The following FAT3 variants were observed in gnomAD, a reference collection of about 807,000 sequenced individuals.
FAT3 encodes the protein protocadherin Fat 3.
FAT3 carries 95 observed loss-of-function variants against 310.2 expected under a neutral mutation model. The observed-to-expected ratio is 0.31, with a 90% CI of 0.26 to 0.36. The LOEUF (loss-of-function observed/expected upper bound fraction) is 0.36, where lower values mean the gene tolerates loss of function less well. FAT3 is among the 10% of genes least tolerant of loss of function. The pLI, the probability that FAT3 is intolerant of heterozygous loss-of-function variation, is 1.00. For synonymous variants in FAT3, 2,314 were observed against 2,192.9 expected (o/e 1.06, Z -1.54); for missense variants, 5,408 against 5,715.6 (o/e 0.95, Z 1.74).
At chr11:92,807,670 T>C (rs1371075269) in intron 12 of FAT3, among the ~76,000 whole-genome samples, 1 of 152,226 alleles carries the variant, frequency 6.6e-6, no homozygotes, top group Non-Finnish European at 1.5e-5. Flanking sequence ...CTGATTCTTA[T>C]TAACACAGTT....
chr11:92,890,203 A>G (rs952713590), intron 27 of FAT3, among the ~76,000 whole-genome samples: 2 of 152,072 alleles, frequency 1.3e-5, no homozygotes, highest in Admixed American at 1.3e-4. Context: ...GGGAGTGGGG[A>G]CAGTACTCAG....
intron 2 of FAT3, among the ~76,000 whole-genome samples, chr11:92,513,919 A>C (rs1953390903): frequency 6.6e-6 from 1 of 152,172 alleles, no homozygotes; most frequent in Non-Finnish European, 1.5e-5. Flanking sequence ...TTTGGGTGTC[A>C]TTCTTTTGGA....
intron 22 of FAT3, among the ~76,000 whole-genome samples, chr11:92,875,951 A>G (rs927636396): frequency 6.6e-6 from 1 of 152,208 alleles, no homozygotes; most frequent in African/African-American, 2.4e-5. Flanking sequence ...CTTCTCTGCC[A>G]TCAGATCAAA....
At position 92,327,472 on chromosome 11, in the gene FAT3, A is replaced by G. The variant is rs1947795708; in HGVS notation, c.-17-24624A>G. Among the ~76,000 whole-genome samples the G allele has an allele frequency of 2.0e-5, 3 of 152,228 alleles. No individual in the cohort carries two copies. In the South Asian group the frequency reaches 6.2e-4, roughly 32 times the overall value. ...GATATAGTATATGGCAGCCTCTAAA[A>G]TATTTTAAAAACGCTTACTAGTCTG... is the stretch of plus-strand genomic sequence containing the variant. On this transcript the variant is annotated intron_variant, in intron 1 of 27. Transcript: ENST00000525166.
chr11:92,259,689 A>G (rs185629109), intron 1 of FAT3, among the ~76,000 whole-genome samples: 84 of 152,280 alleles, frequency 5.5e-4, no homozygotes, highest in African/African-American at 1.9e-3. Flanking sequence ...CTCCACATCT[A>G]ACAACTTGTA....
intron 26 of FAT3, among the ~76,000 whole-genome samples, chr11:92,889,548 C>T (rs765759522): frequency 1.3e-5 from 2 of 152,112 alleles, no homozygotes; most frequent in Admixed American, 6.5e-5. Flanking sequence ...GTTCATTGAG[C>T]ACCTATTATG....
intron 13 of FAT3, among the ~76,000 whole-genome samples, chr11:92,815,283 G>A (rs1947793156): frequency 6.6e-6 from 1 of 152,056 alleles, no homozygotes; most frequent in Non-Finnish European, 1.5e-5. Flanking sequence ...TTAAAAATAA[G>A]GAGCTGGTGG....
In FAT3 at chr11:92,354,332, A is replaced by G. The variant is rs1254300267; in HGVS notation, c.2220A>G (p.Pro740=). 1.2e-6 allele frequency: 2 copies of G among 1,613,884 alleles called. No individual in the cohort carries two copies. Among genetic ancestry groups the G allele is most frequent in the Non-Finnish European group, 8.5e-7 (1 of 1,179,858 alleles). ...PSDVAVKEDL[P]VGANILKIKA... ...ATGTGGCTGTAAAGGAGGATCTGCC[A>G]GTTGGTGCTAACATTCTGAAGATTA... The change falls in exon 2 of 28, where the codon CCA becomes CCG. Residue 740 remains proline, a synonymous_variant. Coordinates refer to ENST00000525166, the MANE Select transcript of FAT3 (RefSeq NM_001367949.2).
chr11:92,782,145 C>CAAT (rs376897409), intron 7 of FAT3, among the ~76,000 whole-genome samples: 12 of 151,680 alleles, frequency 7.9e-5, no homozygotes, highest in South Asian at 2.1e-4. Flanking sequence ...CTTATTTCTG[C>CAAT]AATAATAATA....
At chr11:92,230,419 G>A (rs1464210867) in intron 1 of FAT3, among the ~76,000 whole-genome samples, 3 of 151,646 alleles carry the variant, frequency 2.0e-5, no homozygotes, top group East Asian at 1.9e-4. Flanking sequence ...TCAGTCTCCC[G>A]AGTAACTGGG....
At chr11:92,309,083 T>C (rs943145208) in intron 1 of FAT3, among the ~76,000 whole-genome samples, 1 of 152,146 alleles carries the variant, frequency 6.6e-6, no homozygotes, top group Non-Finnish European at 1.5e-5. Flanking sequence ...GATTGCTGAT[T>C]ACTGGTGATT....
rs1424851518 is a variant in FAT3 at position 92,880,899 on chromosome 11, A to T, written c.12281+15A>T. 1.9e-6 allele frequency: 3 copies of T among 1,611,816 alleles called. No individual in the cohort carries two copies. The highest frequency in any genetic ancestry group is 2.2e-5 in the East Asian group (1 of 44,872). On this transcript the variant is annotated intron_variant, in intron 23 of 27. Transcript: ENST00000525166. ...ACTGGAGTCACGTAAGTGAGATTAC[A>T]TAAGTGTCTTTCTCTACACTGTTCT...
chr11:92,502,184 A>G (rs1445922024), intron 2 of FAT3, among the ~76,000 whole-genome samples: 1 of 152,060 alleles, frequency 6.6e-6, no homozygotes, highest in Non-Finnish European at 1.5e-5. Flanking sequence ...TAAATCTTTC[A>G]CCATAGAAAT....
chr11:92,473,992 A>G (rs1951978800), intron 2 of FAT3, among the ~76,000 whole-genome samples: 1 of 152,168 alleles, frequency 6.6e-6, no homozygotes, highest in Non-Finnish European at 1.5e-5. Flanking sequence ...GAGAATTACA[A>G]ACACCACATA....
chr11:92,608,859 C>T (rs1295801568), intron 3 of FAT3, among the ~76,000 whole-genome samples: 1 of 152,064 alleles, frequency 6.6e-6, no homozygotes, highest in East Asian at 1.9e-4. Context: ...ACATTGAGAA[C>T]CTCCCTTTGC....
intron 1 of FAT3, among the ~76,000 whole-genome samples, chr11:92,344,820 C>T (rs567004493): frequency 6.6e-6 from 1 of 152,226 alleles, no homozygotes; most frequent in South Asian, 2.1e-4. Flanking sequence ...GGTTTGGTTT[C>T]AGGCATTCAC....
chr11:92,655,415 T>C (rs962307883), intron 3 of FAT3, among the ~76,000 whole-genome samples: 3 of 152,224 alleles, frequency 2.0e-5, no homozygotes, highest in Non-Finnish European at 4.4e-5. Flanking sequence ...CCTATCACTT[T>C]GGGACCATGG....
chr11:92,599,362 T>C (rs1327094151), intron 3 of FAT3, among the ~76,000 whole-genome samples: 1 of 152,120 alleles, frequency 6.6e-6, no homozygotes, highest in Non-Finnish European at 1.5e-5. Flanking sequence ...AACCACCAGA[T>C]CTTGGGAGAA....
At position 92,352,437 on chromosome 11, in the gene FAT3, A is replaced by T; in HGVS notation, c.325A>T (p.Thr109Ser). 1 of 1,612,464 alleles carries T rather than the reference A, an allele frequency of 6.2e-7. No individual in the cohort carries two copies. Among genetic ancestry groups the T allele is most frequent in the Non-Finnish European group, 8.5e-7 (1 of 1,179,470 alleles). Residue 109 changes from threonine (T) to serine (S), a missense_variant, in exon 2 of 28, where the codon ACT becomes TCT. Coordinates refer to ENST00000525166, the MANE Select transcript of FAT3 (RefSeq NM_001367949.2). ...IADFCFLRIR[T>S]KGGNSAILNR... is the part of the protein sequence containing the mutation. ...AGATTTCTGTTTTCTCAGAATAAGAACTAAAGGTGGCAATTCTGCCATATT... is the reference window on the plus strand; with the variant it reads ...AGATTTCTGTTTTCTCAGAATAAGATCTAAAGGTGGCAATTCTGCCATATT...
Sources: gnomAD v4.1 joint callset for allele counts (sites outside exome capture counted in the v4.1 genomes callset) on GRCh38, gnomAD v4.1.1 for gene constraint, MANE v1.5 for transcripts, NCBI Gene and HGNC (gene_info 2026-07-23, HGNC 2026-07-21) for gene names.